The following TANC2 variants were observed in gnomAD, a reference collection of about 807,000 sequenced individuals.
TANC2 encodes the protein tetratricopeptide repeat, ankyrin repeat and coiled-coil containing 2.
A neutral mutation model predicts 210.5 loss-of-function variants in TANC2; 26 were observed. The ratio of observed to expected loss-of-function variants is 0.12; its 90% CI spans 0.09 to 0.17. The LOEUF is 0.17. TANC2 is among the 10% of genes least tolerant of loss of function. The pLI is 1.00. For missense variants in TANC2, 2,129 were observed against 2,608.9 expected, an observed-to-expected ratio of 0.82 and a Z score of 4.01; for synonymous variants, 931 against 967.1, an observed-to-expected ratio of 0.96 and a Z score of 0.69.
chr17:63,412,606 TC>T lies in TANC2; in HGVS notation c.3899-73del. ...CTGCCTCTCACTGCTGCTTTTTCCT[TC>T]TTTTTTTTTTTTTCACCTTCATCCA... is the stretch of plus-strand genomic sequence containing the variant. On this transcript the variant is annotated intron_variant, in intron 23 of 27. Coordinates refer to ENST00000689528, the Ensembl canonical transcript of TANC2. The surrounding 1 kb of genome is among the most constrained non-coding windows in gnomAD (Gnocchi z 4.2). 1 of 1,375,496 alleles carries T rather than the reference TC, an allele frequency of 7.3e-7. No individual in the cohort carries two copies. The highest frequency in any genetic ancestry group is 2.5e-5 in the East Asian group (1 of 40,098). 85.2% of individuals were successfully genotyped at this position (1,375,496 alleles called of 1,614,324 possible). A position where few individuals can be genotyped will look rare whatever the true frequency, so the allele number is the denominator to read the frequency against.
chr17:63,371,798 C>A (rs2047277449), intron 14 of TANC2, among the ~76,000 whole-genome samples: 1 of 152,142 alleles, frequency 6.6e-6, no homozygotes, highest in Non-Finnish European at 1.5e-5. Context: ...GTGATTCTTG[C>A]TTTAGAAAGG....
In TANC2 at chr17:63,336,957, G is replaced by A. The variant is rs138392724; in HGVS notation, c.1576-3144G>A. On this transcript the variant is annotated intron_variant, in intron 11 of 27. Transcript: ENST00000689528. The stretch of plus-strand genomic sequence containing the variant: ...AGTGATCTAATATCTCTTACCAAGC[G>A]CGCTGGTACTAATGAGAAACTGAAG... 1.0e-3 allele frequency among the ~76,000 whole-genome samples: 154 copies of A among 152,064 alleles called. 1 individual carries two copies. The highest frequency in any genetic ancestry group is 3.5e-3 in the African/African-American group (146 of 41,490).
intron 15 of TANC2, among the ~76,000 whole-genome samples, chr17:63,384,735 G>A (rs1598996026): frequency 6.6e-6 from 1 of 152,162 alleles, no homozygotes; most frequent in Non-Finnish European, 1.5e-5. Context: ...ATAATGCTTA[G>A]TTGAATTCAT....
intron 4 of TANC2, among the ~76,000 whole-genome samples, chr17:63,147,437 A>G (rs2039501132): frequency 6.6e-6 from 1 of 152,212 alleles, no homozygotes; most frequent in South Asian, 2.1e-4. Flanking sequence ...GTATTTCATT[A>G]CAGCTTTTTT....
At chr17:63,278,397 G>C (rs2043957424) in intron 9 of TANC2, among the ~76,000 whole-genome samples, 1 of 151,830 alleles carries the variant, frequency 6.6e-6, no homozygotes, top group Non-Finnish European at 1.5e-5. Context: ...TTATTGTCAG[G>C]GAAATGCAAA....
exon 26 of TANC2, chr17:63,415,615 T>C: frequency 6.2e-7 from 1 of 1,613,696 alleles, no homozygotes; most frequent in Non-Finnish European, 8.5e-7. Context: ...CTTGAAAACT[T>C]TCCGGGAACT....
chr17:63,064,995 T>A (rs1436813292), intron 2 of TANC2, among the ~76,000 whole-genome samples: 1 of 152,144 alleles, frequency 6.6e-6, no homozygotes, highest in Non-Finnish European at 1.5e-5. Context: ...CCATTTCTCC[T>A]ATCAAACTAA....
chr17:63,383,382 A>G (rs1261053787), intron 15 of TANC2, among the ~76,000 whole-genome samples: 1 of 151,796 alleles, frequency 6.6e-6, no homozygotes, highest in Non-Finnish European at 1.5e-5. Flanking sequence ...ACCCTCCTCA[A>G]CCCCTGGCAA....
intron 7 of TANC2, among the ~76,000 whole-genome samples, chr17:63,207,212 T>C (rs1448906981): frequency 9.7e-6 from 1 of 103,256 alleles, no homozygotes; most frequent in Admixed American, 9.1e-5. Flanking sequence ...TTTTTTTTCC[T>C]TTTTTTTTTT....
chr17:63,324,648 C>CT (rs2045591000), intron 11 of TANC2, among the ~76,000 whole-genome samples: 1 of 152,150 alleles, frequency 6.6e-6, no homozygotes, highest in East Asian at 1.9e-4. Context: ...TTGTCTAGGG[C>CT]TTTTCTTCTC....
At chr17:63,187,615 T>C (rs2041039167) in intron 5 of TANC2, among the ~76,000 whole-genome samples, 1 of 152,158 alleles carries the variant, frequency 6.6e-6, no homozygotes, top group Admixed American at 6.5e-5. Flanking sequence ...ATATGTGTTT[T>C]TTGAAGAAAT....
intron 8 of TANC2, among the ~76,000 whole-genome samples, chr17:63,246,299 A>T (rs1367336872): frequency 9.9e-5 from 15 of 151,754 alleles, no homozygotes; most frequent in South Asian, 2.1e-4. Context: ...TTTTAAAAAA[A>T]TTTTTTTAAA....
chr17:63,306,843 A>G (rs919438833), intron 9 of TANC2, among the ~76,000 whole-genome samples: 3 of 152,168 alleles, frequency 2.0e-5, no homozygotes, highest in Admixed American at 6.5e-5. Context: ...AGTCCCAGCT[A>G]CTTGGGAGGC....
chr17:63,347,830 A>G (rs1239124776), intron 12 of TANC2, among the ~76,000 whole-genome samples: 1 of 152,226 alleles, frequency 6.6e-6, no homozygotes, highest in Non-Finnish European at 1.5e-5. Context: ...GCTGGAGTAC[A>G]GTGGCAAGAT....
chr17:62,995,942 G>A (rs969938774), intron 1 of TANC2, among the ~76,000 whole-genome samples: 3 of 152,178 alleles, frequency 2.0e-5, no homozygotes, highest in African/African-American at 7.2e-5. Context: ...AACTTCCAAA[G>A]TTATGTCCTA....
intron 5 of TANC2, among the ~76,000 whole-genome samples, chr17:63,161,232 T>G (rs1436631794): frequency 6.6e-6 from 1 of 152,082 alleles, no homozygotes; most frequent in African/African-American, 2.4e-5. Context: ...TGTGGTGGTG[T>G]GCACCTGTGG....
At chr17:63,247,788 TAC>T (rs1225143057) in intron 8 of TANC2, among the ~76,000 whole-genome samples, 1 of 152,114 alleles carries the variant, frequency 6.6e-6, no homozygotes, top group Non-Finnish European at 1.5e-5. Flanking sequence ...TTGAACAAAA[TAC>T]TTCATCAGAA....
intron 18 of TANC2, 162 bp downstream of exon 18, chr17:63,396,090 C>T: frequency 1.5e-6 from 1 of 662,586 alleles, no homozygotes; most frequent in Non-Finnish European, 2.5e-6. Flanking sequence ...AAGCACTTTA[C>T]TCAAATGCCA....
chr17:63,199,097 A>G (rs2041444574), intron 6 of TANC2, among the ~76,000 whole-genome samples: 1 of 152,192 alleles, frequency 6.6e-6, no homozygotes, highest in Admixed American at 6.5e-5. Flanking sequence ...ATTAAACACA[A>G]GGGACTGCAT....
Sources: allele counts gnomAD v4.1 joint callset (sites outside exome capture counted in the v4.1 genomes callset), GRCh38; gene constraint gnomAD v4.1.1; non-coding constraint Gnocchi (gnomAD v3.1); transcripts MANE v1.5; gene names NCBI Gene and HGNC (gene_info 2026-07-23, HGNC 2026-07-21).